The following STRN variants were observed in gnomAD, a reference collection of about 807,000 sequenced individuals.
The protein encoded by STRN is striatin, also known as protein phosphatase 2 regulatory subunit B'''alpha.
Under a neutral mutation model 96.3 loss-of-function variants are expected in STRN, and 53 were observed. That is an observed-to-expected ratio of 0.55 (90% CI 0.44 to 0.69). The LOEUF (loss-of-function observed/expected upper bound fraction) is 0.69. Among genes scored for constraint, STRN ranks in the 30% least tolerant of loss-of-function variants. The pLI is 0.00. For missense variants in STRN, 987 were observed against 963.9 expected (o/e 1.02, Z -0.32); for synonymous variants, 428 against 355.9 (o/e 1.20, Z -2.28).
At chr2:36,920,777 A>T (rs1418382416) in intron 2 of STRN, among the ~76,000 whole-genome samples, 3 of 148,992 alleles carry the variant, frequency 2.0e-5, no homozygotes, top group Non-Finnish European at 4.4e-5. Context: ...CAAATTTCCT[A>T]AAAAAAATAA....
chr2:36,870,502 A>T lies in STRN; in HGVS notation c.1324-773T>A, dbSNP rs149464010. 9.4e-4 allele frequency among the ~76,000 whole-genome samples: 143 copies of T among 152,314 alleles called. 2 individuals carry two copies. In the East Asian group the frequency reaches 0.023, roughly 25 times the overall value. On this transcript the variant is annotated intron_variant, in intron 10 of 17. Transcript: ENST00000263918. ...TTTTGGTCAACGATGGACCACATATATGATGCTGGTCCCATAAAATTATAA... is the reference window on the plus strand; with the variant it reads ...TTTTGGTCAACGATGGACCACATATTTGATGCTGGTCCCATAAAATTATAA...
In STRN at chr2:36,869,684, A is replaced by C; in HGVS notation, c.1369T>G (p.Phe457Val). 6.2e-7 allele frequency: 1 copy of C among 1,611,170 alleles called. No homozygotes were observed. Among genetic ancestry groups the C allele is most frequent in the South Asian group, 1.1e-5 (1 of 90,460 alleles). Residue 457 changes from phenylalanine to valine, a missense_variant, in exon 11 of 18, where the codon TTT becomes GTT. Transcript: ENST00000263918. ...CCATCAAAGTGACTTCTCAATGTAA[A>C]CTTAGGGTTCCATGTCTTCCTCAAT... is the stretch of plus-strand genomic sequence containing the variant. ...DALRKTWNPK[F>V]TLRSHFDGIR...
chr2:36,944,254 C>T lies in STRN; in HGVS notation c.235-19046G>A, dbSNP rs115843709. ...ATATACAAAAGCAATGCAGATATAA[C>T]GAAAAAACGTTATAAAGAAGGAAAG... On this transcript the variant is annotated intron_variant, in intron 1 of 17. Transcript: ENST00000263918. Among the ~76,000 whole-genome samples, 877 of 151,898 alleles carry T rather than the reference C, an allele frequency of 5.8e-3. 13 individuals are homozygous for T. The highest frequency in any genetic ancestry group is 0.02 in the African/African-American group (833 of 41,416).
At chr2:36,956,685 G>C (rs941141229) in intron 1 of STRN, among the ~76,000 whole-genome samples, 1 of 152,176 alleles carries the variant, frequency 6.6e-6, no homozygotes, top group Non-Finnish European at 1.5e-5. Flanking sequence ...CTCTGCTTCA[G>C]TTATCAAGAT....
chr2:36,882,164 GTCTC>G (rs1195444929), intron 9 of STRN, among the ~76,000 whole-genome samples: 3 of 151,768 alleles, frequency 2.0e-5, no homozygotes, highest in South Asian at 4.2e-4. Flanking sequence ...ATCAGTTTAT[GTCTC>G]TCTAAAATGT....
chr2:36,896,910 G>A (rs961327532), intron 6 of STRN, among the ~76,000 whole-genome samples: 8 of 152,168 alleles, frequency 5.3e-5, no homozygotes, highest in Non-Finnish European at 5.9e-5. Flanking sequence ...ACTCACACCT[G>A]TAATCCCTGC....
chr2:36,845,951 A>ACACACACACACACACACACACACT lies in STRN; in HGVS notation c.*3504_*3505insAGTGTGTGTGTGTGTGTGTGTGTG, dbSNP rs1668063328. On this transcript the variant is annotated 3_prime_UTR_variant, in exon 18 of 18. Coordinates refer to ENST00000263918, the MANE Select transcript of STRN (RefSeq NM_003162.4). The stretch of plus-strand genomic sequence containing the variant: ...CACACACACACACACACACACACAC[A>ACACACACACACACACACACACACT]CTAACTCTCTCTCTCTCTCTGTGCC... 1 of 78,310 alleles carries ACACACACACACACACACACACACT rather than the reference A, an allele frequency of 1.3e-5. No homozygotes were observed. Among genetic ancestry groups the ACACACACACACACACACACACACT allele is most frequent in the African/African-American group, 4.4e-5 (1 of 22,564 alleles). 4.9% of individuals were successfully genotyped at this position (78,310 alleles called of 1,614,324 possible). A position where few individuals can be genotyped will look rare whatever the true frequency, so the allele number is the denominator to read the frequency against.
At chr2:36,923,191 T>G (rs1268019999) in intron 2 of STRN, among the ~76,000 whole-genome samples, 1 of 150,472 alleles carries the variant, frequency 6.6e-6, no homozygotes, top group African/African-American at 2.5e-5. Flanking sequence ...CGCTCACGCC[T>G]GTAATCCCAG....
At chr2:36,917,772 C>G (rs1670148496) in intron 2 of STRN, among the ~76,000 whole-genome samples, 2 of 151,870 alleles carry the variant, frequency 1.3e-5, no homozygotes, top group East Asian at 3.9e-4. Context: ...TTATAACAGT[C>G]TTTATATCTT....
At chr2:36,924,037 G>C (rs1248699008) in intron 2 of STRN, among the ~76,000 whole-genome samples, 1 of 152,048 alleles carries the variant, frequency 6.6e-6, no homozygotes, top group East Asian at 1.9e-4. Flanking sequence ...TGTAACGGCA[G>C]ACAGCAGAGG....
chr2:36,852,779 G>C (rs1193203893), intron 15 of STRN, among the ~76,000 whole-genome samples: 1 of 152,116 alleles, frequency 6.6e-6, no homozygotes, highest in Non-Finnish European at 1.5e-5. Flanking sequence ...ATTTTCATGT[G>C]GCTCCTAGAA....
At chr2:36,946,340 C>T (rs1670983959) in intron 1 of STRN, among the ~76,000 whole-genome samples, 1 of 152,086 alleles carries the variant, frequency 6.6e-6, no homozygotes, top group African/African-American at 2.4e-5. Flanking sequence ...CACACAGCAG[C>T]AGAGCTTTCC....
chr2:36,859,347 G>A (rs113909019), intron 13 of STRN, among the ~76,000 whole-genome samples: 3 of 152,244 alleles, frequency 2.0e-5, no homozygotes, highest in African/African-American at 7.2e-5. Flanking sequence ...AGCCAGAGCA[G>A]AAAAAGTAAA....
chr2:36,924,980 C>T (rs1254262057), intron 2 of STRN, 125 bp downstream of exon 2: 5 of 719,502 alleles, frequency 6.9e-6, no homozygotes, highest in East Asian at 2.8e-5. Flanking sequence ...TGCTTGAAAC[C>T]GGGAGGCGGA....
At chr2:36,922,152 C>T (rs1670276497) in intron 2 of STRN, among the ~76,000 whole-genome samples, 1 of 152,114 alleles carries the variant, frequency 6.6e-6, no homozygotes, top group Admixed American at 6.5e-5. Flanking sequence ...TATAGCAAAT[C>T]ATTTTCAATT....
chr2:36,844,866 G>A lies in STRN; in HGVS notation c.*4590C>T, dbSNP rs139167845. The A allele has an allele frequency of 1.2e-4, 18 of 152,132 alleles. No homozygotes were observed. The highest frequency in any genetic ancestry group is 7.9e-4 in the Admixed American group (12 of 15,266). 9.4% of individuals were successfully genotyped at this position (152,132 alleles called of 1,614,324 possible). A position where few individuals can be genotyped will look rare whatever the true frequency, so the allele number is the denominator to read the frequency against. On this transcript the variant is annotated 3_prime_UTR_variant, in exon 18 of 18. Transcript: ENST00000263918. ...GTCCTTTGTTTTTAAACACAGATAC[G>A]TTTTTCTGGGCCTTTCTCTAAAATG... is the stretch of plus-strand genomic sequence containing the variant.
At chr2:36,929,873 A>C (rs1670525655) in intron 1 of STRN, among the ~76,000 whole-genome samples, 1 of 152,208 alleles carries the variant, frequency 6.6e-6, no homozygotes, top group African/African-American at 2.4e-5. Flanking sequence ...TCTAAAATAA[A>C]ATATTATAAA....
At chr2:36,953,012 T>C (rs770209776) in intron 1 of STRN, among the ~76,000 whole-genome samples, 13 of 152,254 alleles carry the variant, frequency 8.5e-5, no homozygotes, top group African/African-American at 1.7e-4. Context: ...ATCACCGTTG[T>C]GGAATTTGAC....
intron 4 of STRN, among the ~76,000 whole-genome samples, chr2:36,904,621 G>A (rs1366438813): frequency 1.3e-5 from 2 of 152,210 alleles, no homozygotes; most frequent in Admixed American, 1.3e-4. Context: ...GAAGTCAGGA[G>A]TTCGAGATCA....
Sources: gnomAD v4.1 joint callset for allele counts (sites outside exome capture counted in the v4.1 genomes callset) on GRCh38, gnomAD v4.1.1 for gene constraint, MANE v1.5 for transcripts, NCBI Gene and HGNC (gene_info 2026-07-23, HGNC 2026-07-21) for gene names.